INVS: variants seen among roughly 807,000 people sequenced by gnomAD.
The protein encoded by INVS is inversion of embryo turning homolog.
INVS carries 86 observed loss-of-function variants against 108.8 expected under a neutral mutation model. That is an observed-to-expected ratio of 0.79 (90% CI 0.66 to 0.95). The LOEUF (loss-of-function observed/expected upper bound fraction) is 0.95, where lower values mean the gene tolerates loss of function less well. Among genes scored for constraint, INVS ranks in the 40% least tolerant of loss-of-function variants. The pLI, the probability that INVS is intolerant of heterozygous loss-of-function variation, is 0.00. For synonymous variants in INVS, 455 were observed against 473.5 expected (o/e 0.96, Z 0.51); for missense variants, 1,169 against 1,297.4 (o/e 0.90, Z 1.52).
chr9:100,185,588 G>C (rs907469862), intron 3 of INVS, among the ~76,000 whole-genome samples: 8 of 136,804 alleles, frequency 5.8e-5, no homozygotes, highest in Non-Finnish European at 1.1e-4. Context: ...AGTGCAAGTG[G>C]TTTTTGGTTA....
chr9:100,104,585 G>C lies in INVS; in HGVS notation c.64G>C (p.Ala22Pro), dbSNP rs1827111158. Residue 22 changes from alanine (A) to proline (P), a missense_variant, in exon 2 of 17, where the codon GCC becomes CCC. By Grantham distance (27) the Ala-to-Pro change is conservative. Around this residue, in one of 3 missense-constraint regions of INVS, gnomAD observed 365 missense variants for 397.5 expected, o/e 0.92. Transcript: ENST00000262457. ...ATTAGCATCACAAGTCCATGCTGCTGCCGTTAATGGAGATAAGGGTGCTCT... is the reference window on the plus strand; with the variant it reads ...ATTAGCATCACAAGTCCATGCTGCTCCCGTTAATGGAGATAAGGGTGCTCT... ...SSLASQVHAA[A>P]VNGDKGALQR... 1.9e-6 allele frequency: 3 copies of C among 1,613,986 alleles called. No individual in the cohort carries two copies. Among genetic ancestry groups the C allele is most frequent in the African/African-American group, 1.3e-5 (1 of 74,920 alleles).
chr9:100,121,219 T>C (rs929023736), intron 2 of INVS, among the ~76,000 whole-genome samples: 1 of 152,200 alleles, frequency 6.6e-6, no homozygotes, highest in Non-Finnish European at 1.5e-5. Flanking sequence ...CCCAAACTAA[T>C]CTCTCTTGAT....
intron 4 of INVS, among the ~76,000 whole-genome samples, chr9:100,229,353 G>A (rs1332726967): frequency 2.0e-5 from 3 of 152,108 alleles, no homozygotes; most frequent in Non-Finnish European, 4.4e-5. Flanking sequence ...GAATGTCTAC[G>A]GTGGGGATAT....
At chr9:100,236,025 TC>T (rs929197396) in intron 5 of INVS, among the ~76,000 whole-genome samples, 2 of 152,158 alleles carry the variant, frequency 1.3e-5, no homozygotes, top group Admixed American at 1.3e-4. Flanking sequence ...TGGGAAATAG[TC>T]CCATATTTCT....
At chr9:100,170,897 G>T (rs1340113531) in intron 3 of INVS, among the ~76,000 whole-genome samples, 1 of 152,208 alleles carries the variant, frequency 6.6e-6, no homozygotes, top group Admixed American at 6.5e-5. Context: ...AATGGGTAAT[G>T]AAAATGTAGT....
At chr9:100,163,703 C>T (rs1829266740) in intron 3 of INVS, among the ~76,000 whole-genome samples, 1 of 152,030 alleles carries the variant, frequency 6.6e-6, no homozygotes, top group Non-Finnish European at 1.5e-5. Context: ...AATATTTAAG[C>T]AAATACTTAA....
intron 10 of INVS, among the ~76,000 whole-genome samples, chr9:100,255,845 T>C (rs1378460123): frequency 1.3e-5 from 2 of 152,220 alleles, no homozygotes; most frequent in Admixed American, 1.3e-4. Flanking sequence ...TTTGCATCGA[T>C]GTTCATCAGG....
intron 3 of INVS, among the ~76,000 whole-genome samples, chr9:100,139,002 G>A (rs7858208): frequency 0.21 from 31,809 of 151,806 alleles, 5,627 homozygotes; most frequent in African/African-American, 0.49. Context: ...CACCGCGCCC[G>A]GCCTTATTGA....
At chr9:100,276,144 A>C (rs1405173345) in intron 12 of INVS, among the ~76,000 whole-genome samples, 1 of 152,198 alleles carries the variant, frequency 6.6e-6, no homozygotes, top group Non-Finnish European at 1.5e-5. Context: ...TTTCCATTGA[A>C]AATGTATCTA....
At chr9:100,293,544 T>C (rs1833692297) in intron 14 of INVS, among the ~76,000 whole-genome samples, 1 of 152,220 alleles carries the variant, frequency 6.6e-6, no homozygotes, top group Admixed American at 6.5e-5. Context: ...CTAGTCATAC[T>C]CCAAACACCT....
intron 3 of INVS, among the ~76,000 whole-genome samples, chr9:100,225,676 T>A (rs1236260461): frequency 6.6e-6 from 1 of 152,170 alleles, no homozygotes; most frequent in African/African-American, 2.4e-5. Flanking sequence ...AACAATTTGG[T>A]TCCTGATAAT....
chr9:100,145,804 T>G (rs1828590055), intron 3 of INVS, among the ~76,000 whole-genome samples: 3 of 152,132 alleles, frequency 2.0e-5, no homozygotes. Flanking sequence ...GCGCCGGAGT[T>G]TTGGGTCCAC....
intron 3 of INVS, among the ~76,000 whole-genome samples, chr9:100,176,505 C>G (rs1229087247): frequency 3.3e-5 from 5 of 152,064 alleles, no homozygotes; most frequent in Non-Finnish European, 5.9e-5. Flanking sequence ...GAGACGGAGT[C>G]TCGCACTGCT....
intron 3 of INVS, among the ~76,000 whole-genome samples, chr9:100,207,945 T>C (rs1385422146): frequency 2.0e-5 from 3 of 152,066 alleles, no homozygotes; most frequent in Non-Finnish European, 4.4e-5. Context: ...AGAATTGTAG[T>C]GTGCTTGCAC....
intron 3 of INVS, among the ~76,000 whole-genome samples, chr9:100,151,146 C>T (rs529884478): frequency 6.6e-6 from 1 of 152,152 alleles, no homozygotes; most frequent in African/African-American, 2.4e-5. Context: ...AGAACAAAGG[C>T]CTTCAGATGG....
In INVS at chr9:100,212,563, A is replaced by G. The variant is rs1214214651; in HGVS notation, c.274-13499A>G. 3.4e-5 allele frequency among the ~76,000 whole-genome samples: 5 copies of G among 148,824 alleles called. No individual in the cohort carries two copies. The East Asian group carries it at 9.8e-4, about 29-fold the overall frequency. On this transcript the variant is annotated intron_variant, in intron 3 of 16. Transcript: ENST00000262457. ...TCAGGTGCCTCAAACTCCACTTTAG[A>G]AAAAAAAAACAGAACTCAAAAATTT...
At chr9:100,182,013 G>A (rs1829902570) in intron 3 of INVS, among the ~76,000 whole-genome samples, 1 of 152,074 alleles carries the variant, frequency 6.6e-6, no homozygotes, top group Admixed American at 6.6e-5. Flanking sequence ...CAAGCAATGG[G>A]GAAAGGATTC....
intron 3 of INVS, among the ~76,000 whole-genome samples, chr9:100,182,166 A>G (rs1322034788): frequency 6.6e-6 from 1 of 152,232 alleles, no homozygotes; most frequent in Non-Finnish European, 1.5e-5. Flanking sequence ...AAAACGCTAG[A>G]AGAAAACCTA....
chr9:100,154,331 ATTTT>A (rs780090630), intron 3 of INVS, among the ~76,000 whole-genome samples: 1 of 68,580 alleles, frequency 1.5e-5, no homozygotes, highest in Non-Finnish European at 2.5e-5. Flanking sequence ...CAACCGACTA[ATTTT>A]TTTTTTTTTT....
Sources: gnomAD v4.1 joint callset for allele counts (sites outside exome capture counted in the v4.1 genomes callset) on GRCh38, gnomAD v4.1.1 for gene constraint, gnomAD v4.1.1 regional missense constraint, MANE v1.5 for transcripts, NCBI Gene and HGNC (gene_info 2026-07-23, HGNC 2026-07-21) for gene names.